BCL3: variants seen among roughly 807,000 people sequenced by gnomAD.
BCL3 encodes the protein B-cell lymphoma 3 protein.
In BCL3, 15 loss-of-function variants were observed where a neutral mutation model predicts 35.7. That is an observed-to-expected ratio of 0.42 (90% CI 0.28 to 0.65). BCL3 has a LOEUF of 0.65. BCL3 is among the 30% of genes least tolerant of loss of function. The pLI is 0.22. For synonymous variants in BCL3, 311 were observed against 284.3 expected, an observed-to-expected ratio of 1.09 and a Z score of -0.95; for missense variants, 565 against 641.7, an observed-to-expected ratio of 0.88 and a Z score of 1.29.
chr19:44,757,336 C>T lies in BCL3; in HGVS notation c.734C>T (p.Ala245Val). ...CCCTCCTCTCCCTCAGGGCTCACCG[C>T]CCTGCACGTGGCAGTGAACACCGAG... ...LEARNYDGLT[A>V]LHVAVNTECQ... Residue 245 changes from alanine (A) to valine (V), a missense_variant, in exon 5 of 9, where the codon GCC (alanine) becomes GTC (valine). Physicochemically the swap from Ala to Val is moderately conservative, Grantham distance 64. Transcript: ENST00000164227. The surrounding 1 kb of genome is among the most constrained non-coding windows in gnomAD (Gnocchi z 8.4). The T allele has an allele frequency of 6.2e-7, 1 of 1,603,914 alleles. No homozygotes were observed. The highest frequency in any genetic ancestry group is 8.5e-7 in the Non-Finnish European group (1 of 1,175,550).
chr19:44,755,963 G>T (rs1324259809), intron 2 of BCL3, among the ~76,000 whole-genome samples: 1 of 152,180 alleles, frequency 6.6e-6, no homozygotes, highest in Non-Finnish European at 1.5e-5. Flanking sequence ...TCTGGCTGTT[G>T]TGTGGGGGAC....
rs1188749991 is a variant in BCL3, at chr19:44,756,283, G to A, written c.462G>A (p.Leu154=). The change falls in exon 3 of 9, where the codon CTG becomes CTA. Residue 154 remains leucine (L), a synonymous_variant. Transcript: ENST00000164227. ...GTAACCTGCCAGCTGTGCACCGGCT[G>A]GTCAACCTCTTCCAGCAGGGGGGCC... is the stretch of plus-strand genomic sequence containing the variant. ...VQGNLPAVHR[L]VNLFQQGGRE... is the part of the protein sequence containing the mutation. 4.5e-6 allele frequency: 7 copies of A among 1,556,584 alleles called. No homozygotes were observed. In the Admixed American group the frequency reaches 9.2e-5, roughly 21 times the overall value.
In BCL3 at chr19:44,759,547, C is replaced by A; in HGVS notation, c.1297C>A (p.Pro433Thr). The A allele has an allele frequency of 1.2e-6, 2 of 1,613,086 alleles. No individual in the cohort carries two copies. The highest frequency in any genetic ancestry group is 1.7e-6 in the Non-Finnish European group (2 of 1,179,792). Residue 433 changes from proline to threonine, a missense_variant, in exon 9 of 9, where the codon CCC becomes ACC. Physicochemically the swap from Pro to Thr is conservative, Grantham distance 38. Around this residue, in one of 5 missense-constraint regions of BCL3, gnomAD observed 151 missense variants for 138.1 expected, o/e 1.09. Transcript: ENST00000164227. ...LPSPSPPAFL[P>T]FAGVLRGPGR... ...TTCCCCATCTCCACCCGCCTTCCTG[C>A]CCTTTGCTGGGGTCCTCCGAGGCCC...
chr19:44,753,258 G>A (rs1032141202), intron 2 of BCL3, among the ~76,000 whole-genome samples: 1 of 152,174 alleles, frequency 6.6e-6, no homozygotes, highest in African/African-American at 2.4e-5. Flanking sequence ...GGGTACCTCT[G>A]GGGGGTCATC....
rs754245032 is a variant in BCL3, at chr19:44,758,239, C to T, written c.892-7C>T. On this transcript the variant is annotated splice_polypyrimidine_tract_variant and splice_region_variant and intron_variant, in intron 6 of 8. Coordinates refer to ENST00000164227, the MANE Select transcript of BCL3 (RefSeq NM_005178.5). ...CGCCCTCCTGACCCGGCCCTCCCGT[C>T]CCGCAGCACGGCGCCAACGTGAACG... The T allele has an allele frequency of 2.0e-6, 3 of 1,477,838 alleles. No individual in the cohort carries two copies. The highest frequency in any genetic ancestry group is 2.7e-6 in the Non-Finnish European group (3 of 1,124,296). 91.5% of individuals were successfully genotyped at this position (1,477,838 alleles called of 1,614,324 possible).
rs139295630 is a variant in BCL3 at position 44,759,591 on chromosome 19, C to A, written c.1341C>A (p.Pro447=). Residue 447 remains proline, a synonymous_variant, in exon 9 of 9, where the codon CCC becomes CCA. Coordinates refer to ENST00000164227, the MANE Select transcript of BCL3 (RefSeq NM_005178.5). ...VLRGPGRPVP[P]SPAPGGS Reference sequence around the variant, plus strand: ...GAGGCCCTGGCCGGCCGGTGCCCCCCTCCCCAGCTCCAGGAGGCAGCTGAG... The same window carrying A: ...GAGGCCCTGGCCGGCCGGTGCCCCCATCCCCAGCTCCAGGAGGCAGCTGAG... 0.024 allele frequency: 38,702 copies of A among 1,607,008 alleles called. 620 individuals are homozygous for A. Among genetic ancestry groups the A allele is most frequent in the Middle Eastern group, 0.055 (330 of 6,054 alleles).
In BCL3 at chr19:44,757,700, A is replaced by G; in HGVS notation, c.868A>G (p.Ser290Gly). ...LIHAVENNSLSMVQLLLQHGA... is the reference protein window; with the variant it reads ...LIHAVENNSLGMVQLLLQHGA... ...CCACGCCGTGGAAAACAACAGCCTT[A>G]GCATGGTGCAGCTGCTGCTGCAGGT... is the stretch of plus-strand genomic sequence containing the variant. Residue 290 changes from serine (S) to glycine (G), a missense_variant, in exon 6 of 9, where the codon AGC (serine) becomes GGC (glycine). Transcript: ENST00000164227. This position sits in a 1 kb window ranked among gnomAD's most constrained non-coding sequence, Gnocchi z 8.4. 1 of 1,613,880 alleles carries G rather than the reference A, an allele frequency of 6.2e-7. No individual in the cohort carries two copies. The highest frequency in any genetic ancestry group is 1.7e-4 in the Middle Eastern group (1 of 6,030).
At chr19:44,758,481 T>C (rs1162438802) in intron 7 of BCL3, 68 bp downstream of exon 7, 1 of 1,500,476 alleles carries the variant, frequency 6.7e-7, no homozygotes, top group African/African-American at 1.4e-5. Context: ...CAGGCGAGTG[T>C]GCCAGAGCGC....
chr19:44,755,840 C>G (rs988232065), intron 2 of BCL3, among the ~76,000 whole-genome samples: 1 of 152,182 alleles, frequency 6.6e-6, no homozygotes, highest in African/African-American at 2.4e-5. Context: ...ATCGCTTGAA[C>G]CTGGGAGGCA....
Position 44,758,705 on chromosome 19 carries a change from C to T in BCL3, c.1060-19C>T, listed in dbSNP as rs769429059. On this transcript the variant is annotated intron_variant, in intron 7 of 8. Coordinates refer to ENST00000164227, the MANE Select transcript of BCL3 (RefSeq NM_005178.5). ...TGTGAGGCATGGGTGGCTCTATGGTCACGCCCATCTTCCTACAGGTCATCG... is the reference window on the plus strand; with the variant it reads ...TGTGAGGCATGGGTGGCTCTATGGTTACGCCCATCTTCCTACAGGTCATCG... The T allele has an allele frequency of 4.5e-6, 7 of 1,571,684 alleles. No homozygotes were observed. The Admixed American group carries it at 1.3e-4, about 28-fold the overall frequency.
At chr19:44,754,583 C>G (rs1599840720) in intron 2 of BCL3, among the ~76,000 whole-genome samples, 1 of 152,018 alleles carries the variant, frequency 6.6e-6, no homozygotes, top group African/African-American at 2.4e-5. Flanking sequence ...GCGGCCCGCG[C>G]GTTTATGGGA....
In BCL3 at chr19:44,756,338, C is replaced by T; in HGVS notation, c.517C>T (p.Gln173Ter). The change falls in exon 3 of 9, where the codon CAG (glutamine) becomes TAG (stop). Residue 173 changes from glutamine (Q) to a stop codon, truncating the protein, a stop_gained and splice_region_variant. Transcript: ENST00000164227. LOFTEE classifies it high-confidence loss of function. ...GCTCGACATCTACAACAACCTACGG[C>T]AGGTGAGGCTCGGTCTGAGGGAGGA... ...RELDIYNNLR[Q>*]TPLHLAVITT... 6.7e-7 allele frequency: 1 copy of T among 1,498,632 alleles called. No individual in the cohort carries two copies. The highest frequency in any genetic ancestry group is 1.4e-5 in the African/African-American group (1 of 70,562). The allele number at this position is 1,498,632 out of a possible 1,614,324, so 92.8% of individuals were successfully genotyped here.
chr19:44,749,034 C>T lies in BCL3; in HGVS notation c.244C>T (p.Leu82Phe), dbSNP rs373183384. ...PPHGLARPEA[L>F]YYPGALLPLY... ...CCACGGCCTGGCCCGGCCGGAGGCG[C>T]TTTACTACCCCGGTGAGTGGCCCCC... The change falls in exon 1 of 9, where the codon CTT (leucine) becomes TTT (phenylalanine). Residue 82 changes from leucine (L) to phenylalanine (F), a missense_variant. By Grantham distance (22) the Leu-to-Phe change is conservative (BLOSUM62 0). Coordinates refer to ENST00000164227, the MANE Select transcript of BCL3 (RefSeq NM_005178.5). 1.6e-5 allele frequency: 21 copies of T among 1,353,074 alleles called. No individual in the cohort carries two copies. Among genetic ancestry groups the T allele is most frequent in the East Asian group, 1.2e-4 (4 of 32,464 alleles). 83.8% of individuals were successfully genotyped at this position (1,353,074 alleles called of 1,614,324 possible). A position where few individuals can be genotyped will look rare whatever the true frequency, so the allele number is the denominator to read the frequency against.
At chr19:44,750,717 AG>A (rs1413849570) in intron 1 of BCL3, among the ~76,000 whole-genome samples, 2 of 152,038 alleles carry the variant, frequency 1.3e-5, no homozygotes, top group African/African-American at 2.4e-5. Flanking sequence ...TGGGAGGCAG[AG>A]GTTGCAGTGG....
In BCL3 at chr19:44,759,674, C is replaced by T. The variant is rs1967387276; in HGVS notation, c.*59C>T. ...GAGGGGCCCCCCTGCCCTGTGGGGT[C>T]AACCCTTCTGGAAACTGTGAAGATC... On this transcript the variant is annotated 3_prime_UTR_variant, in exon 9 of 9. Coordinates refer to ENST00000164227, the MANE Select transcript of BCL3 (RefSeq NM_005178.5). 1 of 1,245,654 alleles carries T rather than the reference C, an allele frequency of 8.0e-7. No individual in the cohort carries two copies. The highest frequency in any genetic ancestry group is 1.5e-5 in the African/African-American group (1 of 65,608). The allele number at this position is 1,245,654 out of a possible 1,614,324, so 77.2% of individuals were successfully genotyped here. A position where few individuals can be genotyped will look rare whatever the true frequency, so the allele number is the denominator to read the frequency against.
In BCL3 at chr19:44,756,513, C is replaced by T. The variant is rs887049401; in HGVS notation, c.519+173C>T. On this transcript the variant is annotated intron_variant, in intron 3 of 8. Coordinates refer to ENST00000164227, the MANE Select transcript of BCL3 (RefSeq NM_005178.5). ...TCCTGGGTCTGATGGAGGAGGGCTG[C>T]GGGCCTGGGATCCGGGGTCTGATGG... 1.5e-4 allele frequency among the ~76,000 whole-genome samples: 21 copies of T among 139,682 alleles called. No individual in the cohort carries two copies. In the East Asian group the frequency reaches 2.1e-3, roughly 14 times the overall value. 91.6% of individuals were successfully genotyped at this position (139,682 alleles called of 152,430 possible). A position where few individuals can be genotyped will look rare whatever the true frequency, so the allele number is the denominator to read the frequency against.
intron 2 of BCL3, among the ~76,000 whole-genome samples, chr19:44,752,261 T>C (rs1396819705): frequency 2.6e-5 from 4 of 151,472 alleles, no homozygotes; most frequent in African/African-American, 9.7e-5. Context: ...AGTGCAGTGG[T>C]GCAATCATAG....
Position 44,759,713 on chromosome 19 carries a change from C to T in BCL3, c.*98C>T, listed in dbSNP as rs1181809080. 3.1e-6 allele frequency: 2 copies of T among 640,226 alleles called. No individual in the cohort carries two copies. Among genetic ancestry groups the T allele is most frequent in the Admixed American group, 3.2e-5 (1 of 31,594 alleles). 39.7% of individuals were successfully genotyped at this position (640,226 alleles called of 1,614,324 possible). ...ACTGTGAAGATCTCACTCTGCCCCC[C>T]CCCCCCATCTTCGGGACCAGGATTT... On this transcript the variant is annotated 3_prime_UTR_variant, in exon 9 of 9. Coordinates refer to ENST00000164227, the MANE Select transcript of BCL3 (RefSeq NM_005178.5).
At chr19:44,755,914 G>A (rs781591636) in intron 2 of BCL3, among the ~76,000 whole-genome samples, 13 of 151,836 alleles carry the variant, frequency 8.6e-5, no homozygotes, top group African/African-American at 2.7e-4. Context: ...ACAACACTCC[G>A]TCTCAAACAA....
Sources: gnomAD v4.1 joint callset for allele counts (sites outside exome capture counted in the v4.1 genomes callset) on GRCh38, gnomAD v4.1.1 for gene constraint, gnomAD v4.1.1 regional missense constraint, Gnocchi (gnomAD v3.1) non-coding constraint, MANE v1.5 for transcripts, NCBI Gene and HGNC (gene_info 2026-07-23, HGNC 2026-07-21) for gene names.